The following CCDC91 variants were observed in gnomAD, a reference collection of about 807,000 sequenced individuals.
The protein encoded by CCDC91 is coiled-coil domain containing 91, also known as coiled-coil domain-containing protein 91.
CCDC91 carries 48 observed loss-of-function variants against 63.2 expected under a neutral mutation model. The observed-to-expected ratio is 0.76, with a 90% CI of 0.60 to 0.97. The LOEUF is 0.97. Among genes scored for constraint, CCDC91 ranks in the 50% least tolerant of loss-of-function variants. CCDC91 has a pLI of 0.00. For synonymous variants in CCDC91, 167 were observed against 165.8 expected, an observed-to-expected ratio of 1.01 and a Z score of -0.06; for missense variants, 500 against 494.6, an observed-to-expected ratio of 1.01 and a Z score of -0.10.
intron 3 of CCDC91, among the ~76,000 whole-genome samples, chr12:28,289,373 A>G (rs1011696551): frequency 3.9e-5 from 6 of 152,062 alleles, no homozygotes; most frequent in Non-Finnish European, 7.4e-5. Flanking sequence ...GGATTCTGGT[A>G]TGTTGTATCT....
At chr12:28,428,093 T>A (rs1021422165) in intron 8 of CCDC91, among the ~76,000 whole-genome samples, 2 of 152,146 alleles carry the variant, frequency 1.3e-5, no homozygotes, top group African/African-American at 4.8e-5. Flanking sequence ...GCAATCTGTC[T>A]TTTATTGATA....
intron 7 of CCDC91, among the ~76,000 whole-genome samples, chr12:28,388,232 T>C (rs1202595861): frequency 2.0e-5 from 3 of 152,144 alleles, no homozygotes; most frequent in Non-Finnish European, 4.4e-5. Flanking sequence ...GATTGTTTAT[T>C]TTTTTCTTGC....
intron 12 of CCDC91, among the ~76,000 whole-genome samples, chr12:28,522,695 TC>T (rs1476319401): frequency 5.9e-5 from 9 of 152,216 alleles, no homozygotes; most frequent in African/African-American, 1.9e-4. Flanking sequence ...TTTCCTCCTT[TC>T]TCTTGTGGGC....
At chr12:28,457,820 C>A (rs1950121210) in intron 11 of CCDC91, among the ~76,000 whole-genome samples, 1 of 151,874 alleles carries the variant, frequency 6.6e-6, no homozygotes, top group Admixed American at 6.6e-5. Flanking sequence ...AATTCTGGGT[C>A]ACTTAAAAGT....
chr12:28,491,065 C>T (rs1951975596), intron 12 of CCDC91, among the ~76,000 whole-genome samples: 1 of 151,462 alleles, frequency 6.6e-6, no homozygotes, highest in South Asian at 2.1e-4. Context: ...CACATAAAAA[C>T]TAGTTTGGTG....
At chr12:28,380,827 A>G (rs1945254939) in intron 7 of CCDC91, among the ~76,000 whole-genome samples, 1 of 152,124 alleles carries the variant, frequency 6.6e-6, no homozygotes, top group Non-Finnish European at 1.5e-5. Context: ...ATTATCAGTA[A>G]GGTCTATCTA....
At chr12:28,233,217 T>G (rs1248062456) in intron 1 of CCDC91, among the ~76,000 whole-genome samples, 2 of 152,108 alleles carry the variant, frequency 1.3e-5, no homozygotes, top group Non-Finnish European at 2.9e-5. Context: ...GAGAATTCCC[T>G]CATTCCCCTT....
chr12:28,203,864 T>C (rs1379104742), intron 1 of CCDC91, among the ~76,000 whole-genome samples: 1 of 152,158 alleles, frequency 6.6e-6, no homozygotes, highest in East Asian at 1.9e-4. Flanking sequence ...AAAAATTCAA[T>C]TGAATTGCCA....
In CCDC91 at chr12:28,376,664, G is replaced by A. The variant is rs144254677; in HGVS notation, c.654+14149G>A. On this transcript the variant is annotated intron_variant, in intron 7 of 12. Coordinates refer to ENST00000536442, the MANE Select transcript of CCDC91 (RefSeq NM_018318.5). ...TATAGCTTAAGGAATATGATGCCTT[G>A]TATTTTTAAAGAGAAAGTATCTTTT... Among the ~76,000 whole-genome samples, 67 of 151,850 alleles carry A rather than the reference G, an allele frequency of 4.4e-4. No homozygotes were observed. The East Asian group carries it at 0.012, about 28-fold the overall frequency.
chr12:28,415,672 G>GTGTGTA (rs1218702280), intron 8 of CCDC91, among the ~76,000 whole-genome samples: 1 of 149,706 alleles, frequency 6.7e-6, no homozygotes, highest in Non-Finnish European at 1.5e-5. Flanking sequence ...ATTTGTGTGT[G>GTGTGTA]TGTGTGTGTG....
intron 8 of CCDC91, among the ~76,000 whole-genome samples, chr12:28,396,859 T>C (rs1565909042): frequency 1.3e-5 from 2 of 152,150 alleles, no homozygotes; most frequent in Non-Finnish European, 2.9e-5. Flanking sequence ...GTTTTGGATA[T>C]GTTGAGTTTA....
chr12:28,291,687 G>T lies in CCDC91; in HGVS notation c.110-13962G>T, dbSNP rs575369132. 5.3e-5 allele frequency among the ~76,000 whole-genome samples: 8 copies of T among 152,294 alleles called. No homozygotes were observed. In the East Asian group the frequency reaches 1.5e-3, roughly 29 times the overall value. ...GCATGTCACAATCTGATTGAGAAAT[G>T]ATTCATTGTTGTTGCATAGAATAAG... On this transcript the variant is annotated intron_variant, in intron 3 of 12. Transcript: ENST00000536442.
chr12:28,342,710 G>T (rs1245905405), intron 6 of CCDC91, among the ~76,000 whole-genome samples: 1 of 152,116 alleles, frequency 6.6e-6, no homozygotes, highest in Non-Finnish European at 1.5e-5. Flanking sequence ...TAAGTATGGG[G>T]TGTTATCTTT....
intron 1 of CCDC91, among the ~76,000 whole-genome samples, chr12:28,210,772 G>C (rs1245896047): frequency 6.6e-6 from 1 of 151,778 alleles, no homozygotes; most frequent in Admixed American, 6.6e-5. Flanking sequence ...TTAAAAAATG[G>C]TAAAGGACAC....
chr12:28,415,578 A>T (rs572155754), intron 8 of CCDC91, among the ~76,000 whole-genome samples: 2 of 152,294 alleles, frequency 1.3e-5, no homozygotes, highest in South Asian at 4.1e-4. Context: ...GGATATATCC[A>T]TGAAAAAAAT....
intron 8 of CCDC91, among the ~76,000 whole-genome samples, chr12:28,412,011 A>T (rs933058715): frequency 7.9e-5 from 12 of 152,196 alleles, no homozygotes; most frequent in African/African-American, 2.9e-4. Flanking sequence ...GTAGGGACAA[A>T]CAAACATGGC....
intron 6 of CCDC91, among the ~76,000 whole-genome samples, chr12:28,326,782 G>T (rs1467267582): frequency 3.3e-5 from 5 of 152,016 alleles, no homozygotes; most frequent in African/African-American, 1.2e-4. Context: ...CGGCTTTATT[G>T]TAAGCGGAAT....
rs527531773 is a variant in CCDC91, at chr12:28,214,575, T to G, written c.-15+23934T>G. The stretch of plus-strand genomic sequence containing the variant: ...TCATGTGTATTTCCATCTTATTTTG[T>G]TATGTTTGTGTGTGTGTGTGTGTTT... On this transcript the variant is annotated intron_variant, in intron 1 of 12. Coordinates refer to ENST00000536442, the MANE Select transcript of CCDC91 (RefSeq NM_018318.5). Among the ~76,000 whole-genome samples, 18 of 141,404 alleles carry G rather than the reference T, an allele frequency of 1.3e-4. No individual in the cohort carries two copies. The East Asian group carries it at 3.5e-3, about 27-fold the overall frequency. 92.8% of individuals were successfully genotyped at this position (141,404 alleles called of 152,430 possible).
intron 8 of CCDC91, among the ~76,000 whole-genome samples, chr12:28,437,279 A>G (rs1948960273): frequency 6.6e-6 from 1 of 151,996 alleles, no homozygotes; most frequent in Admixed American, 6.6e-5. Context: ...ACATATATCT[A>G]GCTTGAGGCA....
Sources: gnomAD v4.1 joint callset for allele counts (sites outside exome capture counted in the v4.1 genomes callset) on GRCh38, gnomAD v4.1.1 for gene constraint, MANE v1.5 for transcripts, NCBI Gene and HGNC (gene_info 2026-07-23, HGNC 2026-07-21) for gene names.